Variants in DYM observed in about 807,000 individuals in gnomAD.
The protein encoded by DYM is dymeclin, also known as dyggve-Melchior-Clausen syndrome protein.
Under a neutral mutation model 93.1 loss-of-function variants are expected in DYM, and 78 were observed. That is an observed-to-expected ratio of 0.84 (90% confidence interval 0.70 to 1.01). DYM has a LOEUF of 1.01. Among genes scored for constraint, DYM ranks in the 50% least tolerant of loss-of-function variants. The probability of loss-of-function intolerance (pLI) is 0.00; values close to 1 mark genes in which losing one functional copy is unlikely to be tolerated. For missense variants in DYM, 789 were observed against 845.0 expected (o/e 0.93, Z 0.82); for synonymous variants, 321 against 319.7 (o/e 1.00, Z -0.04).
At chr18:49,134,063 T>C (rs984755672) in intron 15 of DYM, among the ~76,000 whole-genome samples, 1 of 152,214 alleles carries the variant, frequency 6.6e-6, no homozygotes, top group African/African-American at 2.4e-5. Flanking sequence ...GATTGATTGA[T>C]TGATAGAAGA....
chr18:49,082,557 CAATT>C (rs1043012751), intron 17 of DYM, among the ~76,000 whole-genome samples: 1 of 152,024 alleles, frequency 6.6e-6, no homozygotes, highest in African/African-American at 2.4e-5. Context: ...GAAAACACAA[CAATT>C]AACTTAAAAA....
At chr18:49,218,036 C>A (rs1017014071) in intron 13 of DYM, among the ~76,000 whole-genome samples, 3 of 151,820 alleles carry the variant, frequency 2.0e-5, no homozygotes, top group Non-Finnish European at 4.4e-5. Context: ...CACAAATAGG[C>A]TCAAAATAAA....
At chr18:49,286,408 A>C in intron 9 of DYM, 26 bp downstream of exon 9, 1 of 1,612,832 alleles carries the variant, frequency 6.2e-7, no homozygotes, top group Non-Finnish European at 8.5e-7. Flanking sequence ...CATTACAAAG[A>C]ATATTAGAGA....
intron 2 of DYM, among the ~76,000 whole-genome samples, chr18:49,401,673 G>A (rs1026963887): frequency 2.0e-5 from 3 of 151,874 alleles, no homozygotes; most frequent in African/African-American, 7.3e-5. Flanking sequence ...CTGAAACACG[G>A]TTAAGAAACT....
chr18:49,224,188 A>T (rs1270020486), intron 13 of DYM, among the ~76,000 whole-genome samples: 1 of 152,108 alleles, frequency 6.6e-6, no homozygotes, highest in Non-Finnish European at 1.5e-5. Context: ...TGGCATGCAT[A>T]AATGGTGGTG....
At chr18:49,273,459 G>GTTTTCAATA (rs1350068073) in intron 10 of DYM, among the ~76,000 whole-genome samples, 2 of 152,168 alleles carry the variant, frequency 1.3e-5, no homozygotes, top group Non-Finnish European at 1.5e-5. Context: ...TGATTCTGGA[G>GTTTTCAATA]TTTTCAATAT....
chr18:49,134,388 C>A (rs935859720), intron 15 of DYM, among the ~76,000 whole-genome samples: 3 of 151,982 alleles, frequency 2.0e-5, no homozygotes, highest in Non-Finnish European at 2.9e-5. Context: ...AAGTAATTAG[C>A]AAATTAAAAT....
chr18:49,195,780 C>T (rs2091380079), intron 14 of DYM, among the ~76,000 whole-genome samples: 1 of 152,144 alleles, frequency 6.6e-6, no homozygotes, highest in Admixed American at 6.5e-5. Flanking sequence ...AAAAGCAATG[C>T]AATTCCACAA....
intron 16 of DYM, among the ~76,000 whole-genome samples, chr18:49,112,955 C>T (rs1030999161): frequency 4.6e-5 from 7 of 152,134 alleles, no homozygotes; most frequent in South Asian, 2.1e-4. Context: ...AATCTCCTAC[C>T]GGTATTCTAA....
chr18:49,422,633 T>G (rs2073847337), intron 2 of DYM, among the ~76,000 whole-genome samples: 1 of 152,156 alleles, frequency 6.6e-6, no homozygotes, highest in African/African-American at 2.4e-5. Flanking sequence ...CCCATCAGTG[T>G]GCTGTATTCA....
chr18:49,371,791 A>T (rs1339495584), intron 5 of DYM, among the ~76,000 whole-genome samples: 2 of 152,226 alleles, frequency 1.3e-5, no homozygotes, highest in East Asian at 3.8e-4. Context: ...AGCTATCCTC[A>T]TATAATAATA....
chr18:49,218,893 A>G (rs1411706879), intron 13 of DYM, among the ~76,000 whole-genome samples: 1 of 152,050 alleles, frequency 6.6e-6, no homozygotes, highest in Admixed American at 6.5e-5. Context: ...GAAGGCAAGA[A>G]ATAACTAAAA....
Position 49,071,315 on chromosome 18 carries a change from G to A in DYM, c.2025+26087C>T, listed in dbSNP as rs557401973. 2.0e-5 allele frequency among the ~76,000 whole-genome samples: 3 copies of A among 152,254 alleles called. No individual in the cohort carries two copies. In the East Asian group the frequency reaches 5.8e-4, roughly 29 times the overall value. ...CTATGCCTTCATTTCCAAAAATACT[G>A]TCTTTTGCAGTACACATGTTAAACT... On this transcript the variant is annotated intron_variant, in intron 17 of 17. Transcript: ENST00000675505.
chr18:49,448,471 T>C (rs1385863015), intron 1 of DYM, among the ~76,000 whole-genome samples: 1 of 152,192 alleles, frequency 6.6e-6, no homozygotes, highest in Non-Finnish European at 1.5e-5. Flanking sequence ...GCCAGGCAAG[T>C]CACACAAGTC....
At chr18:49,384,832 G>T (rs1252983365) in intron 3 of DYM, among the ~76,000 whole-genome samples, 1 of 151,040 alleles carries the variant, frequency 6.6e-6, no homozygotes, top group Non-Finnish European at 1.5e-5. Flanking sequence ...ATAACAGAAA[G>T]TAAAGAACAG....
Position 49,135,846 on chromosome 18 carries a change from G to A in DYM, c.1729-16920C>T, listed in dbSNP as rs572128548. ...TCTCCTGAGAAAATATTATGTATAT[G>A]TTTAAAAAATATTTTAAGTCTAGTG... is the stretch of plus-strand genomic sequence containing the variant. On this transcript the variant is annotated intron_variant, in intron 15 of 17. Coordinates refer to ENST00000675505, the MANE Select transcript of DYM (RefSeq NM_001353214.3). Among the ~76,000 whole-genome samples the A allele has an allele frequency of 4.6e-5, 7 of 152,330 alleles. No homozygotes were observed. The East Asian group carries it at 1.2e-3, about 25-fold the overall frequency.
At chr18:49,323,390 C>G (rs1200235382) in intron 8 of DYM, among the ~76,000 whole-genome samples, 1 of 152,124 alleles carries the variant, frequency 6.6e-6, no homozygotes, top group Non-Finnish European at 1.5e-5. Flanking sequence ...GAGGAGCATT[C>G]CAGCACAAGC....
At chr18:49,228,560 C>T (rs2093607514) in intron 13 of DYM, among the ~76,000 whole-genome samples, 1 of 152,108 alleles carries the variant, frequency 6.6e-6, no homozygotes, top group African/African-American at 2.4e-5. Flanking sequence ...ACTAGAATAA[C>T]ATGATTAATC....
intron 6 of DYM, among the ~76,000 whole-genome samples, chr18:49,335,090 A>T (rs547278324): frequency 6.6e-6 from 1 of 152,104 alleles, no homozygotes; most frequent in Admixed American, 6.5e-5. Context: ...CTTGGCGATA[A>T]GAGCGAAACT....
Sources: allele counts gnomAD v4.1 joint callset (sites outside exome capture counted in the v4.1 genomes callset), GRCh38; gene constraint gnomAD v4.1.1; transcripts MANE v1.5; gene names NCBI Gene and HGNC (gene_info 2026-07-23, HGNC 2026-07-21).